Variants in TSNAXIP1 observed in about 807,000 individuals in gnomAD.
The protein encoded by TSNAXIP1 is translin associated factor X interacting protein 1.
In TSNAXIP1, 89 loss-of-function variants were observed where a neutral mutation model predicts 84.8. The observed-to-expected ratio is 1.05, with a 90% CI of 0.88 to 1.25. The LOEUF (loss-of-function observed/expected upper bound fraction) is 1.25, where lower values mean the gene tolerates loss of function less well. TSNAXIP1 is among the 50% of genes most tolerant of loss of function. The probability of loss-of-function intolerance (pLI) is 0.00; values close to 1 mark genes in which losing one functional copy is unlikely to be tolerated. For synonymous variants in TSNAXIP1, 347 were observed against 335.2 expected (o/e 1.04, Z -0.39); for missense variants, 874 against 887.6 (o/e 0.98, Z 0.20).
chr16:67,814,597 T>TG (rs1310993950), intron 2 of TSNAXIP1, among the ~76,000 whole-genome samples, 196 bp downstream of exon 2: 1 of 152,086 alleles, frequency 6.6e-6, no homozygotes, highest in African/African-American at 2.4e-5. Flanking sequence ...GGGTGTACAC[T>TG]GGCTGCCTGC....
chr16:67,821,292 G>T (rs1209962746), intron 4 of TSNAXIP1, 67 bp downstream of exon 4: 7 of 1,566,452 alleles, frequency 4.5e-6, no homozygotes, highest in Non-Finnish European at 5.2e-6. Context: ...CCTACCGGCC[G>T]GGCACAGTGG....
chr16:67,813,651 G>A lies in TSNAXIP1; in HGVS notation c.48-651G>A, dbSNP rs182624606. Among the ~76,000 whole-genome samples the A allele has an allele frequency of 6.3e-4, 90 of 143,592 alleles. 1 individual carries two copies. The highest frequency in any genetic ancestry group is 6.0e-3 in the Admixed American group (81 of 13,586). The allele number at this position is 143,592 out of a possible 152,430, so 94.2% of individuals were successfully genotyped here. A position where few individuals can be genotyped will look rare whatever the true frequency, so the allele number is the denominator to read the frequency against. On this transcript the variant is annotated intron_variant, in intron 1 of 15. Transcript: ENST00000561639. ...GGGATGCTGAGGCAGAGAATTGCTT[G>A]AACCCGCGAGATGGAGGTTGCAGTG...
intron 2 of TSNAXIP1, 33 bp downstream of exon 2, chr16:67,814,434 G>A (rs1029822882): frequency 2.0e-6 from 3 of 1,506,270 alleles, no homozygotes; most frequent in African/African-American, 2.8e-5. Flanking sequence ...AACCCCAAAT[G>A]TCAGCCCCCA....
intron 5 of TSNAXIP1, 124 bp downstream of exon 5, chr16:67,823,843 CCT>C (rs2057249091): frequency 2.8e-6 from 2 of 715,392 alleles, no homozygotes; most frequent in African/African-American, 1.8e-5. Flanking sequence ...ATGGTGAAAC[CCT>C]GTCTCTAGTA....
chr16:67,807,093 G>A lies in TSNAXIP1; in HGVS notation c.-57G>A, dbSNP rs1040322265. 9.8e-6 allele frequency: 15 copies of A among 1,527,498 alleles called. No homozygotes were observed. In the African/African-American group the frequency reaches 2.1e-4, roughly 21 times the overall value. The allele number at this position is 1,527,498 out of a possible 1,614,324, so 94.6% of individuals were successfully genotyped here. ...GGCCTGGTCGCCATGGCGACCGGCT[G>A]TACGCTACCACAGCTTCCCAGGCCG... On this transcript the variant is annotated 5_prime_UTR_variant, in exon 1 of 16. Transcript: ENST00000561639.
chr16:67,812,293 G>A (rs1393810184), intron 1 of TSNAXIP1, among the ~76,000 whole-genome samples: 1 of 151,940 alleles, frequency 6.6e-6, no homozygotes, highest in African/African-American at 2.4e-5. Flanking sequence ...GGCTTTTCCT[G>A]TTCTACTGTC....
intron 2 of TSNAXIP1, among the ~76,000 whole-genome samples, chr16:67,817,320 T>G (rs1485947133): frequency 1.3e-5 from 2 of 148,770 alleles, no homozygotes; most frequent in African/African-American, 4.9e-5. Context: ...CGGCTATTTT[T>G]TTTTTTTTTT....
intron 6 of TSNAXIP1, 136 bp from the exon 7 acceptor site, chr16:67,825,001 A>T: frequency 7.9e-7 from 1 of 1,273,092 alleles, no homozygotes; most frequent in Non-Finnish European, 1.1e-6. Context: ...AGAAATGGCC[A>T]ATCTCCTTCT....
Position 67,807,047 on chromosome 16 carries a change from C to T in TSNAXIP1, c.-103C>T. ...GCGTGGCGCATCCCTGACTCCGCCC[C>T]CGCCGCGGGGGGGCCTCTGGGGCCT... On this transcript the variant is annotated 5_prime_UTR_variant, in exon 1 of 16. Coordinates refer to ENST00000561639, the MANE Select transcript of TSNAXIP1 (RefSeq NM_001288990.3). The T allele has an allele frequency of 1.3e-6, 2 of 1,483,676 alleles. No homozygotes were observed. Among genetic ancestry groups the T allele is most frequent in the Non-Finnish European group, 1.8e-6 (2 of 1,120,934 alleles). The allele number at this position is 1,483,676 out of a possible 1,614,324, so 91.9% of individuals were successfully genotyped here.
chr16:67,807,814 A>G (rs576043896), intron 1 of TSNAXIP1: 2 of 172,926 alleles, frequency 1.2e-5, no homozygotes, highest in East Asian at 3.4e-4. Context: ...ACAACTGTAT[A>G]AAGTAGTAAT....
chr16:67,814,211 A>G, intron 1 of TSNAXIP1, 91 bp from the exon 2 acceptor site: 2 of 1,033,822 alleles, frequency 1.9e-6, no homozygotes, highest in Non-Finnish European at 2.9e-6. Flanking sequence ...GCTCAGGGAG[A>G]CGGCTATGCC....
rs1190285857 is a variant in TSNAXIP1 at position 67,811,436 on chromosome 16, C to CTTTTTTTTTTTT, written c.48-2854_48-2843dup. 6.9e-5 allele frequency among the ~76,000 whole-genome samples: 7 copies of CTTTTTTTTTTTT among 101,978 alleles called. 1 individual carries two copies. Among genetic ancestry groups the CTTTTTTTTTTTT allele is most frequent in the African/African-American group, 3.1e-4 (7 of 22,714 alleles). The allele number at this position is 101,978 out of a possible 152,430, so 66.9% of individuals were successfully genotyped here. A position where few individuals can be genotyped will look rare whatever the true frequency, so the allele number is the denominator to read the frequency against. ...AACAGAGTTTGGAGAATTGATTAGTCTTTTTTTTTTTTTTTTTTTTTTTGA... is the reference window on the plus strand; with the variant it reads ...AACAGAGTTTGGAGAATTGATTAGTCTTTTTTTTTTTTTTTTTTTTTTTTTTTTTTTTTTTGA... On this transcript the variant is annotated intron_variant, in intron 1 of 15. Coordinates refer to ENST00000561639, the MANE Select transcript of TSNAXIP1 (RefSeq NM_001288990.3).
intron 1 of TSNAXIP1, among the ~76,000 whole-genome samples, chr16:67,809,381 C>T (rs895363635): frequency 1.3e-5 from 2 of 149,434 alleles, no homozygotes; most frequent in African/African-American, 4.9e-5. Context: ...GGCAGGAGAA[C>T]CCAGGAGGTG....
intron 1 of TSNAXIP1, among the ~76,000 whole-genome samples, chr16:67,809,973 T>A (rs548775316): frequency 2.5e-4 from 38 of 151,354 alleles, no homozygotes; most frequent in Middle Eastern, 3.4e-3. Flanking sequence ...AAATAAAATT[T>A]AAAAAAAAAT....
At chr16:67,818,750 C>G (rs995252995) in intron 2 of TSNAXIP1, among the ~76,000 whole-genome samples, 2 of 149,804 alleles carry the variant, frequency 1.3e-5, no homozygotes, top group East Asian at 4.0e-4. Flanking sequence ...GTCGCCCAGA[C>G]TGGAGTACAG....
chr16:67,815,709 A>G (rs2056487017), intron 2 of TSNAXIP1, among the ~76,000 whole-genome samples: 1 of 151,680 alleles, frequency 6.6e-6, no homozygotes, highest in Non-Finnish European at 1.5e-5. Context: ...ACGTTGCCCA[A>G]GCTGGTCTTG....
intron 5 of TSNAXIP1, among the ~76,000 whole-genome samples, chr16:67,824,359 T>C (rs1471883617): frequency 6.6e-6 from 1 of 152,108 alleles, no homozygotes; most frequent in Admixed American, 6.6e-5. Context: ...CTTAAGGCTG[T>C]AGGGGAAAGG....
Position 67,826,173 on chromosome 16 carries a change from A to G in TSNAXIP1, c.1166A>G (p.Glu389Gly). 1 of 1,612,770 alleles carries G rather than the reference A, an allele frequency of 6.2e-7. No homozygotes were observed. Among genetic ancestry groups the G allele is most frequent in the Non-Finnish European group, 8.5e-7 (1 of 1,179,036 alleles). ...KCKDVVAGGP[E>G]RWQMLAEGKN... is the part of the protein sequence containing the mutation. ...GCAGATGTGGTGGCTGGGGGCCCAG[A>G]GCGCTGGCAGATGCTGGCTGAGGGC... Residue 389 changes from glutamate to glycine, a missense_variant, in exon 10 of 16, where the codon GAG (glutamate) becomes GGG (glycine). Transcript: ENST00000561639.
chr16:67,820,301 C>A (rs2056939046), intron 2 of TSNAXIP1, among the ~76,000 whole-genome samples: 1 of 152,186 alleles, frequency 6.6e-6, no homozygotes, highest in Admixed American at 6.5e-5. Context: ...GTGACAAAGA[C>A]TACCATCATC....
Sources: allele counts gnomAD v4.1 joint callset (sites outside exome capture counted in the v4.1 genomes callset), GRCh38; gene constraint gnomAD v4.1.1; transcripts MANE v1.5; gene names NCBI Gene and HGNC (gene_info 2026-07-23, HGNC 2026-07-21).